The following RNF126 variants were observed in gnomAD, a reference collection of about 807,000 sequenced individuals.
The protein encoded by RNF126 is E3 ubiquitin-protein ligase RNF126.
A neutral mutation model predicts 41.9 loss-of-function variants in RNF126; 20 were observed. The ratio of observed to expected loss-of-function variants is 0.48; its 90% CI spans 0.34 to 0.69. RNF126 has a LOEUF of 0.69. RNF126 is among the 30% of genes least tolerant of loss of function. The pLI is 0.01. For missense variants in RNF126, 433 were observed against 460.6 expected (o/e 0.94, Z 0.55); for synonymous variants, 239 against 202.9 (o/e 1.18, Z -1.51).
chr19:659,575 C>T lies in RNF126; in HGVS notation c.75+3472G>A, dbSNP rs2030707338. On this transcript the variant is annotated intron_variant, in intron 1 of 8. Transcript: ENST00000292363. The surrounding 1 kb of genome is among the most constrained non-coding windows in gnomAD (Gnocchi z 4.9). ...CCGCCTGGTTCCTGGGGGCTCAGTG[C>T]CCTCAGCAGCTCTCGCCCACACCCT... Among the ~76,000 whole-genome samples, 1 of 152,118 alleles carries T rather than the reference C, an allele frequency of 6.6e-6. No individual in the cohort carries two copies. The highest frequency in any genetic ancestry group is 1.5e-5 in the Non-Finnish European group (1 of 68,006).
chr19:656,838 G>A (rs1277068645), intron 1 of RNF126, among the ~76,000 whole-genome samples: 1 of 152,182 alleles, frequency 6.6e-6, no homozygotes, highest in Non-Finnish European at 1.5e-5. Context: ...AGACTTCACA[G>A]TCAAATCTGA....
chr19:648,364 G>GCCCCCCC lies in RNF126; in HGVS notation c.786+7_786+8insGGGGGGG. 2.0e-6 allele frequency: 1 copy of GCCCCCCC among 510,420 alleles called. No individual in the cohort carries two copies. The highest frequency in any genetic ancestry group is 3.6e-6 in the Non-Finnish European group (1 of 278,294). 31.6% of individuals were successfully genotyped at this position (510,420 alleles called of 1,614,324 possible). On this transcript the variant is annotated splice_region_variant and intron_variant, in intron 8 of 8. Transcript: ENST00000292363. ...CGGGGTGGGGGGGCGGGTGGGCGGG[G>GCCCCCCC]CACTCACCTGCTCCAGCCAGGGCAC...
intron 1 of RNF126, among the ~76,000 whole-genome samples, chr19:657,591 C>G (rs1313170355): frequency 6.6e-6 from 1 of 152,184 alleles, no homozygotes; most frequent in Non-Finnish European, 1.5e-5. Context: ...CTAGGGGTTT[C>G]AAAGGTCACC....
chr19:652,982 C>A, intron 1 of RNF126, 98 bp from the exon 2 acceptor site: 1 of 1,202,374 alleles, frequency 8.3e-7, no homozygotes. Flanking sequence ...CCAGCGGTCT[C>A]TGGCTGGCCA....
At chr19:662,212 C>G (rs957273011) in intron 1 of RNF126, among the ~76,000 whole-genome samples, 1 of 152,200 alleles carries the variant, frequency 6.6e-6, no homozygotes, top group Non-Finnish European at 1.5e-5. Context: ...GACTCCGAAA[C>G]CCTGGAAAAG....
intron 4 of RNF126, 176 bp from the exon 5 acceptor site, chr19:650,472 A>C (rs866264714): frequency 2.3e-5 from 13 of 564,030 alleles, no homozygotes; most frequent in East Asian, 6.3e-5. Context: ...GGCAGGAGAG[A>C]AGCAGCTTGA....
intron 2 of RNF126, chr19:652,520 C>T (rs1004822963): frequency 3.0e-5 from 18 of 604,038 alleles, no homozygotes; most frequent in African/African-American, 7.4e-5. Flanking sequence ...GCCTCCTAAG[C>T]GTGAGAATGT....
intron 1 of RNF126, among the ~76,000 whole-genome samples, chr19:660,956 G>A (rs2030776149): frequency 6.6e-6 from 1 of 152,262 alleles, no homozygotes. Flanking sequence ...GGCCCCCGCA[G>A]CCCTCTCTGC....
In RNF126 at chr19:647,904, G is replaced by A. The variant is rs558299711; in HGVS notation, c.*224C>T. ...CGTTTAGAGGGTGAGGTTAGACAGAGGACGGGGAGGCTGGGGACGCCCCAG... is the reference window on the plus strand; with the variant it reads ...CGTTTAGAGGGTGAGGTTAGACAGAAGACGGGGAGGCTGGGGACGCCCCAG... On this transcript the variant is annotated 3_prime_UTR_variant, in exon 9 of 9. Coordinates refer to ENST00000292363, the MANE Select transcript of RNF126 (RefSeq NM_194460.3). 3 of 637,924 alleles carry A rather than the reference G, an allele frequency of 4.7e-6. No individual in the cohort carries two copies. Among genetic ancestry groups the A allele is most frequent in the Admixed American group, 2.7e-5 (1 of 37,272 alleles). The allele number at this position is 637,924 out of a possible 1,614,324, so 39.5% of individuals were successfully genotyped here. A position where few individuals can be genotyped will look rare whatever the true frequency, so the allele number is the denominator to read the frequency against.
intron 7 of RNF126, 69 bp downstream of exon 7, chr19:648,813 A>G: frequency 1.1e-6 from 1 of 930,982 alleles, no homozygotes; most frequent in Non-Finnish European, 1.6e-6. Context: ...TACTGAAAAT[A>G]CAAGTATGAG....
chr19:652,370 A>G, intron 2 of RNF126, 74 bp from the exon 3 acceptor site: 1 of 1,293,544 alleles, frequency 7.7e-7, no homozygotes, highest in Non-Finnish European at 1.1e-6. Context: ...TCCCCTCAAA[A>G]GCCTATGTTG....
chr19:654,976 A>T (rs946427877), intron 1 of RNF126, among the ~76,000 whole-genome samples: 1 of 151,882 alleles, frequency 6.6e-6, no homozygotes, highest in African/African-American at 2.4e-5. Context: ...TCGGGAAAAA[A>T]AAAAGTGCTT....
chr19:658,009 G>A (rs2030631458), intron 1 of RNF126, among the ~76,000 whole-genome samples: 1 of 152,048 alleles, frequency 6.6e-6, no homozygotes, highest in Admixed American at 6.6e-5. Flanking sequence ...CCTTCTCCGG[G>A]GGCAGCACGC....
Position 652,248 on chromosome 19 carries a change from G to A in RNF126, c.183C>T (p.Ser61=). Residue 61 remains serine (S), a synonymous_variant, in exon 3 of 9, where the codon AGC becomes AGT. Transcript: ENST00000292363. ...SAPSTAPTDQ[S]RPPLEHVDQH... The stretch of plus-strand genomic sequence containing the variant: ...GGCGACTCACCTCCAACGGTGGCCG[G>A]CTCTGGTCTGTGGGAGCTGTGGAGG... 6.5e-7 allele frequency: 1 copy of A among 1,542,616 alleles called. No homozygotes were observed. The highest frequency in any genetic ancestry group is 8.7e-7 in the Non-Finnish European group (1 of 1,155,576).
At chr19:653,894 C>T in intron 1 of RNF126, among the ~76,000 whole-genome samples, 1 of 152,236 alleles carries the variant, frequency 6.6e-6, no homozygotes, top group East Asian at 1.9e-4. Flanking sequence ...GTAACACAGA[C>T]AAAAACAGGA....
At chr19:662,593 C>A (rs1027193467) in intron 1 of RNF126, among the ~76,000 whole-genome samples, 5 of 152,100 alleles carry the variant, frequency 3.3e-5, no homozygotes, top group Non-Finnish European at 5.9e-5. Context: ...GGTCCCCTGG[C>A]GTTATTCTCG....
chr19:649,661 G>A lies in RNF126; in HGVS notation c.576+18C>T, dbSNP rs1034973167. ...AGCCCTCCCCCAGCAGGCACTCTGG[G>A]CCGTGGCCACGCTGTACCTGTGTGA... On this transcript the variant is annotated intron_variant, in intron 6 of 8. Transcript: ENST00000292363. 1 of 1,553,142 alleles carries A rather than the reference G, an allele frequency of 6.4e-7. No individual in the cohort carries two copies. Among genetic ancestry groups the A allele is most frequent in the Non-Finnish European group, 8.7e-7 (1 of 1,147,028 alleles).
intron 1 of RNF126, among the ~76,000 whole-genome samples, chr19:657,390 G>A (rs1364020031): frequency 6.6e-6 from 1 of 152,210 alleles, no homozygotes; most frequent in East Asian, 1.9e-4. Flanking sequence ...CCGCACTGCC[G>A]GCTCACGACA....
chr19:657,262 C>T (rs902790174), intron 1 of RNF126, among the ~76,000 whole-genome samples: 2 of 152,246 alleles, frequency 1.3e-5, no homozygotes, highest in Non-Finnish European at 2.9e-5. Flanking sequence ...TGGCCTGGCA[C>T]AGCGCTCGGC....
Sources: gnomAD v4.1 joint callset for allele counts (sites outside exome capture counted in the v4.1 genomes callset) on GRCh38, gnomAD v4.1.1 for gene constraint, Gnocchi (gnomAD v3.1) non-coding constraint, MANE v1.5 for transcripts, NCBI Gene and HGNC (gene_info 2026-07-23, HGNC 2026-07-21) for gene names.